MYO1E: variants seen among roughly 807,000 people sequenced by gnomAD.
MYO1E encodes unconventional myosin-Ie.
MYO1E carries 68 observed loss-of-function variants against 151.1 expected under a neutral mutation model. The observed-to-expected ratio is 0.45, with a 90% CI of 0.37 to 0.55. The LOEUF is 0.55. Among genes scored for constraint, MYO1E ranks in the 20% least tolerant of loss-of-function variants. The pLI is 0.00. For missense variants in MYO1E, 1,363 were observed against 1,389.3 expected (o/e 0.98, Z 0.30); for synonymous variants, 601 against 501.7 (o/e 1.20, Z -2.64).
chr15:59,372,390 CT>C, intron 1 of MYO1E, 107 bp downstream of exon 1: 1 of 1,384,004 alleles, frequency 7.2e-7, no homozygotes. Flanking sequence ...CCGCGTCCAC[CT>C]TCTCCACCCC....
intron 2 of MYO1E, among the ~76,000 whole-genome samples, chr15:59,267,095 G>A (rs1289592585): frequency 1.4e-5 from 2 of 142,242 alleles, no homozygotes; most frequent in Non-Finnish European, 3.0e-5. Flanking sequence ...GTGCAATCTC[G>A]GCTCACTGCA....
chr15:59,300,441 T>TAG (rs1306377170), intron 1 of MYO1E, among the ~76,000 whole-genome samples: 1 of 152,162 alleles, frequency 6.6e-6, no homozygotes, highest in East Asian at 1.9e-4. Flanking sequence ...TCTAGAGGCT[T>TAG]AGAACCACTG....
intron 14 of MYO1E, among the ~76,000 whole-genome samples, chr15:59,206,490 G>A (rs1285864648): frequency 8.5e-5 from 13 of 152,208 alleles, no homozygotes; most frequent in African/African-American, 3.1e-4. Flanking sequence ...CTGGGACACT[G>A]GGAGATGGTG....
intron 1 of MYO1E, among the ~76,000 whole-genome samples, chr15:59,347,896 G>T (rs2080803346): frequency 6.6e-6 from 1 of 152,190 alleles, no homozygotes. Context: ...ATAATTTGGG[G>T]TTAAGGAAGA....
At chr15:59,362,758 T>C (rs2080892403) in intron 1 of MYO1E, among the ~76,000 whole-genome samples, 1 of 152,240 alleles carries the variant, frequency 6.6e-6, no homozygotes. Context: ...CAAAATATTC[T>C]GTGACCATGT....
chr15:59,231,870 C>T, intron 5 of MYO1E, 79 bp from the exon 6 acceptor site: 1 of 1,491,292 alleles, frequency 6.7e-7, no homozygotes, highest in Non-Finnish European at 9.3e-7. Flanking sequence ...CTCTAAGGAC[C>T]TGGTTTCTGA....
rs1166320640 is a variant in MYO1E at position 59,338,182 on chromosome 15, T to C, written c.3+34316A>G. Among the ~76,000 whole-genome samples the C allele has an allele frequency of 4.0e-5, 6 of 150,986 alleles. No individual in the cohort carries two copies. The East Asian group carries it at 5.8e-4, about 15-fold the overall frequency. On this transcript the variant is annotated intron_variant, in intron 1 of 27. Coordinates refer to ENST00000288235, the MANE Select transcript of MYO1E (RefSeq NM_004998.4). ...GTCTAAAAAAAAAAACAAAAATGAA[T>C]AGATTGCTTAGGAATTTGGTAGCTG...
chr15:59,191,364 GAGAGAA>G (rs1236063973), intron 17 of MYO1E, among the ~76,000 whole-genome samples: 93 of 150,400 alleles, frequency 6.2e-4, no homozygotes, highest in East Asian at 2.7e-3. Context: ...GAGAGAGAGA[GAGAGAA>G]AGAAATGTCA....
intron 4 of MYO1E, among the ~76,000 whole-genome samples, chr15:59,247,568 G>T (rs1199248186): frequency 6.6e-6 from 1 of 152,156 alleles, no homozygotes; most frequent in East Asian, 1.9e-4. Flanking sequence ...ACCAGCAGAG[G>T]GCAGGCACTC....
chr15:59,201,080 T>C (rs60665267), intron 16 of MYO1E, among the ~76,000 whole-genome samples: 7,821 of 152,076 alleles, frequency 0.051, 230 homozygotes, highest in Middle Eastern at 0.085. Context: ...TAGAGTTACA[T>C]GATTGTGTGT....
chr15:59,328,053 G>C lies in MYO1E; in HGVS notation c.3+44445C>G, dbSNP rs1349814279. On this transcript the variant is annotated intron_variant, in intron 1 of 27. Transcript: ENST00000288235. The stretch of plus-strand genomic sequence containing the variant: ...TGGAGGCTTACCCTGCTAAAAGGAG[G>C]AAGTGGAGGAAAACACAAAGCTCCA... Among the ~76,000 whole-genome samples the C allele has an allele frequency of 2.6e-5, 4 of 152,216 alleles. No individual in the cohort carries two copies. In the East Asian group the frequency reaches 7.7e-4, roughly 29 times the overall value.
chr15:59,325,140 T>A (rs2080655639), intron 1 of MYO1E, among the ~76,000 whole-genome samples: 1 of 152,102 alleles, frequency 6.6e-6, no homozygotes, highest in Non-Finnish European at 1.5e-5. Context: ...GTTCAAGCGA[T>A]TCTCCTGCCT....
chr15:59,158,867 C>A (rs2079522723), intron 24 of MYO1E, among the ~76,000 whole-genome samples: 1 of 152,060 alleles, frequency 6.6e-6, no homozygotes. Flanking sequence ...ACACAGACCA[C>A]AAGGAGGAGA....
intron 18 of MYO1E, among the ~76,000 whole-genome samples, chr15:59,183,883 G>A (rs1360094889): frequency 6.6e-6 from 1 of 151,954 alleles, no homozygotes; most frequent in Non-Finnish European, 1.5e-5. Flanking sequence ...CTATCTTGAT[G>A]AGCTCAATTA....
Position 59,372,674 on chromosome 15 carries a change from G to A in MYO1E, c.-174C>T, listed in dbSNP as rs1596448381. 8 of 787,884 alleles carry A rather than the reference G, an allele frequency of 1.0e-5. No homozygotes were observed. The highest frequency in any genetic ancestry group is 2.9e-5 in the East Asian group (1 of 34,346). 48.8% of individuals were successfully genotyped at this position (787,884 alleles called of 1,614,324 possible). On this transcript the variant is annotated 5_prime_UTR_variant, in exon 1 of 28. Coordinates refer to ENST00000288235, the MANE Select transcript of MYO1E (RefSeq NM_004998.4). ...ACCCAGAGGGGACTCCATCCAGGCG[G>A]GATTGGCGGTGCTAGGTGAGGGCGA...
At chr15:59,302,604 C>T (rs530792118) in intron 1 of MYO1E, among the ~76,000 whole-genome samples, 3 of 152,174 alleles carry the variant, frequency 2.0e-5, no homozygotes, top group African/African-American at 7.2e-5. Flanking sequence ...CATAACACAA[C>T]TGATTTTTTG....
At chr15:59,293,952 G>A (rs749614638) in intron 1 of MYO1E, among the ~76,000 whole-genome samples, 6 of 152,146 alleles carry the variant, frequency 3.9e-5, no homozygotes, top group Non-Finnish European at 8.8e-5. Flanking sequence ...CTGAGGTGGA[G>A]AAATGCTTGA....
intron 19 of MYO1E, among the ~76,000 whole-genome samples, chr15:59,175,269 G>T (rs2079617920): frequency 6.6e-6 from 1 of 152,144 alleles, no homozygotes; most frequent in African/African-American, 2.4e-5. Flanking sequence ...CATTTACCTT[G>T]AGAGTGGCTT....
intron 1 of MYO1E, among the ~76,000 whole-genome samples, chr15:59,322,684 TAG>T (rs1193350273): frequency 6.6e-6 from 1 of 152,186 alleles, no homozygotes; most frequent in East Asian, 1.9e-4. Flanking sequence ...TGAAATCTAA[TAG>T]AGTCCTGACA....
Sources: allele counts gnomAD v4.1 joint callset (sites outside exome capture counted in the v4.1 genomes callset), GRCh38; gene constraint gnomAD v4.1.1; transcripts MANE v1.5; gene names NCBI Gene and HGNC (gene_info 2026-07-23, HGNC 2026-07-21).